The following ING2 variants were observed in gnomAD, a reference collection of about 807,000 sequenced individuals.
ING2 encodes inhibitor of growth family member 2, also known as inhibitor of growth protein 2.
In ING2, 7 loss-of-function variants were observed where a neutral mutation model predicts 30.6. The observed-to-expected ratio is 0.23, with a 90% confidence interval of 0.13 to 0.43. The LOEUF is 0.43. Among genes scored for constraint, ING2 ranks in the 20% least tolerant of loss-of-function variants. ING2 has a pLI of 1.00. For missense variants in ING2, 239 were observed against 334.9 expected, an observed-to-expected ratio of 0.71 and a Z score of 2.24; for synonymous variants, 136 against 121.7, an observed-to-expected ratio of 1.12 and a Z score of -0.78.
In ING2 at chr4:183,510,292, G is replaced by C; in HGVS notation, c.183G>C (p.Lys61Asn). Residue 61 changes from lysine to asparagine, a missense_variant, in exon 2 of 2, where the codon AAG becomes AAC. Coordinates refer to ENST00000302327, the MANE Select transcript of ING2 (RefSeq NM_001564.4). ...ELDNKYQETL[K>N]EIDDVYEKYK... is the part of the protein sequence containing the mutation. The stretch of plus-strand genomic sequence containing the variant: ...TTTTCCTTTTTTTAGAAACGTTAAA[G>C]GAAATTGATGATGTCTACGAAAAAT... 2 of 1,576,764 alleles carry C rather than the reference G, an allele frequency of 1.3e-6. No individual in the cohort carries two copies. The highest frequency in any genetic ancestry group is 1.7e-6 in the Non-Finnish European group (2 of 1,165,254).
chr4:183,505,861 G>C (rs1036927593), intron 1 of ING2, among the ~76,000 whole-genome samples: 1 of 152,004 alleles, frequency 6.6e-6, no homozygotes, highest in South Asian at 2.1e-4. Context: ...CGGACTGAGG[G>C]GGCCTTCCTC....
At chr4:183,507,205 A>G (rs1262254031) in intron 1 of ING2, among the ~76,000 whole-genome samples, 3 of 152,106 alleles carry the variant, frequency 2.0e-5, no homozygotes, top group Non-Finnish European at 2.9e-5. Flanking sequence ...GGTTCAAGCG[A>G]TTCTCCTGCC....
At chr4:183,505,494 A>C (rs1282321537) in intron 1 of ING2, 127 bp downstream of exon 1, 15 of 964,018 alleles carry the variant, frequency 1.6e-5, no homozygotes, top group East Asian at 9.6e-5. Context: ...CGGGACTGGG[A>C]GGACTGGAGA....
Position 183,512,275 on chromosome 4 carries a change from C to A in ING2, c.*1323C>A, listed in dbSNP as rs188897007. ...AATGCTTTTTTTCTCTTCTAGCTCT[C>A]CTGTGTGACTTTTAGGCATGTCATT... On this transcript the variant is annotated 3_prime_UTR_variant, in exon 2 of 2. Transcript: ENST00000302327. Among the ~76,000 whole-genome samples, 5 of 152,084 alleles carry A rather than the reference C, an allele frequency of 3.3e-5. No homozygotes were observed. Among genetic ancestry groups the A allele is most frequent in the Non-Finnish European group, 5.9e-5 (4 of 68,020 alleles).
chr4:183,505,393 C>CG, intron 1 of ING2, 26 bp downstream of exon 1: 1 of 1,507,878 alleles, frequency 6.6e-7, no homozygotes. Context: ...CTGCCGGCCT[C>CG]GGGAGCCGGT....
chr4:183,509,342 AGGGT>A (rs1734757174), intron 1 of ING2, among the ~76,000 whole-genome samples: 2 of 152,094 alleles, frequency 1.3e-5, no homozygotes, highest in Admixed American at 1.3e-4. Flanking sequence ...TTTTATATAT[AGGGT>A]TGTTTTGAAG....
In ING2 at chr4:183,510,441, T is replaced by C; in HGVS notation, c.332T>C (p.Val111Ala). Residue 111 changes from valine to alanine, a missense_variant, in exon 2 of 2, where the codon GTG (valine) becomes GCG (alanine). Coordinates refer to ENST00000302327, the MANE Select transcript of ING2 (RefSeq NM_001564.4). ...ATTGTTACACAAATGCTCGAATTGG[T>C]GGAAAATCGGGCAAGACAAATGGAG... ...IQIVTQMLEL[V>A]ENRARQMELH... 1.2e-6 allele frequency: 2 copies of C among 1,614,106 alleles called. No homozygotes were observed. Among genetic ancestry groups the C allele is most frequent in the Non-Finnish European group, 1.7e-6 (2 of 1,180,014 alleles).
At chr4:183,507,553 G>C (rs1433711916) in intron 1 of ING2, among the ~76,000 whole-genome samples, 1 of 152,180 alleles carries the variant, frequency 6.6e-6, no homozygotes, top group East Asian at 1.9e-4. Flanking sequence ...GGTAACATTA[G>C]TAATATAGTA....
intron 1 of ING2, among the ~76,000 whole-genome samples, chr4:183,507,651 C>A (rs79638242): frequency 6.6e-6 from 1 of 152,308 alleles, no homozygotes; most frequent in Non-Finnish European, 1.5e-5. Context: ...TTTCACTCTG[C>A]ACGTGGTTAC....
At chr4:183,507,849 G>GA (rs1159251979) in intron 1 of ING2, among the ~76,000 whole-genome samples, 4 of 152,014 alleles carry the variant, frequency 2.6e-5, no homozygotes, top group Non-Finnish European at 5.9e-5. Context: ...CAGAACTGCT[G>GA]AAAAACTTAT....
intron 1 of ING2, among the ~76,000 whole-genome samples, chr4:183,505,819 G>C (rs1202777181): frequency 6.6e-6 from 1 of 152,018 alleles, no homozygotes; most frequent in Non-Finnish European, 1.5e-5. Flanking sequence ...GCTTTGGAAC[G>C]TGCGGGGGGA....
intron 1 of ING2, among the ~76,000 whole-genome samples, chr4:183,507,551 T>C (rs576556319): frequency 5.3e-5 from 8 of 152,330 alleles, no homozygotes; most frequent in African/African-American, 1.9e-4. Context: ...CTGGTAACAT[T>C]AGTAATATAG....
chr4:183,506,418 T>C (rs1380023105), intron 1 of ING2: 4 of 873,246 alleles, frequency 4.6e-6, no homozygotes, highest in East Asian at 6.3e-5. Context: ...TCTCCGACTT[T>C]AAGTGTGGAG....
At chr4:183,509,796 C>T (rs575627656) in intron 1 of ING2, among the ~76,000 whole-genome samples, 1 of 138,956 alleles carries the variant, frequency 7.2e-6, no homozygotes, top group South Asian at 2.3e-4. Context: ...TGCAGCGGTG[C>T]GATCTCGGCT....
intron 1 of ING2, 66 bp from the exon 2 acceptor site, chr4:183,510,216 C>A: frequency 1.7e-6 from 2 of 1,151,124 alleles, no homozygotes; most frequent in Non-Finnish European, 2.5e-6. Flanking sequence ...TAAAAAATAA[C>A]TACCTTGGAA....
intron 1 of ING2, 122 bp from the exon 2 acceptor site, chr4:183,510,160 C>T: frequency 4.5e-6 from 3 of 667,344 alleles, no homozygotes; most frequent in Admixed American, 3.0e-5. Flanking sequence ...GTATATGTAC[C>T]AAAGAGGAGT....
rs1734821686 is a variant in ING2 at position 183,511,568 on chromosome 4, T to G, written c.*616T>G. On this transcript the variant is annotated 3_prime_UTR_variant, in exon 2 of 2. Coordinates refer to ENST00000302327, the MANE Select transcript of ING2 (RefSeq NM_001564.4). ...TTTTGATCCACTGTCAGTAGCCCAT[T>G]TGTCAATGCCTTGCTGCTGCTTTGT... Among the ~76,000 whole-genome samples, 2 of 152,196 alleles carry G rather than the reference T, an allele frequency of 1.3e-5. No homozygotes were observed.
In ING2 at chr4:183,511,977, G is replaced by A. The variant is rs1031362548; in HGVS notation, c.*1025G>A. Among the ~76,000 whole-genome samples, 5 of 152,080 alleles carry A rather than the reference G, an allele frequency of 3.3e-5. No individual in the cohort carries two copies. On this transcript the variant is annotated 3_prime_UTR_variant, in exon 2 of 2. Coordinates refer to ENST00000302327, the MANE Select transcript of ING2 (RefSeq NM_001564.4). ...ACTTCTAGTATTGGTGCTGTTTGAT[G>A]TTTTCACATTTAATTAACTTATTTC...
intron 1 of ING2, among the ~76,000 whole-genome samples, chr4:183,509,782 G>A (rs1295870680): frequency 4.3e-5 from 6 of 138,146 alleles, no homozygotes; most frequent in Admixed American, 4.0e-4. Context: ...CGCCCAGACC[G>A]GAGTGCAGCG....
Sources: gnomAD v4.1 joint callset for allele counts (sites outside exome capture counted in the v4.1 genomes callset) on GRCh38, gnomAD v4.1.1 for gene constraint, MANE v1.5 for transcripts, NCBI Gene and HGNC (gene_info 2026-07-23, HGNC 2026-07-21) for gene names.